The following ZNF622 variants were observed in gnomAD, a reference collection of about 807,000 sequenced individuals.
The protein encoded by ZNF622 is zinc finger protein 622.
In ZNF622, 34 loss-of-function variants were observed where a neutral mutation model predicts 49.7. That is an observed-to-expected ratio of 0.68 (90% CI 0.52 to 0.91). The LOEUF (loss-of-function observed/expected upper bound fraction) is 0.91, where lower values mean the gene tolerates loss of function less well. Ranked by LOEUF, ZNF622 falls within the 40% of genes least tolerant of loss-of-function variation. The pLI is 0.00. For missense variants in ZNF622, 569 were observed against 616.4 expected, an observed-to-expected ratio of 0.92 and a Z score of 0.81; for synonymous variants, 209 against 228.7, an observed-to-expected ratio of 0.91 and a Z score of 0.78.
At chr5:16,461,361 C>T (rs879791671) in intron 3 of ZNF622, among the ~76,000 whole-genome samples, 1 of 152,190 alleles carries the variant, frequency 6.6e-6, no homozygotes, top group Admixed American at 6.5e-5. Flanking sequence ...TTTGACCTCA[C>T]TTAATGTTTT....
chr5:16,453,681 C>T (rs1474874895), intron 4 of ZNF622, among the ~76,000 whole-genome samples: 2 of 148,804 alleles, frequency 1.3e-5, no homozygotes, highest in East Asian at 4.0e-4. Context: ...GAAATCAATC[C>T]ACCTTTCCTT....
At chr5:16,454,488 CAAAAAAAAA>C (rs34774848) in intron 4 of ZNF622, among the ~76,000 whole-genome samples, 3 of 66,714 alleles carry the variant, frequency 4.5e-5, no homozygotes, top group African/African-American at 6.5e-5. Context: ...ACTCCGTCTC[CAAAAAAAAA>C]AAAAAAAAAA....
chr5:16,452,994 G>C lies in ZNF622; in HGVS notation c.1306+19C>G. On this transcript the variant is annotated intron_variant, in intron 5 of 5. Transcript: ENST00000308683. ...ATACAAGTTCTCAGACTGGTCTGTA[G>C]TTGTAAAGATCAATGTACCTGTGCT... is the stretch of plus-strand genomic sequence containing the variant. 2 of 1,428,734 alleles carry C rather than the reference G, an allele frequency of 1.4e-6. No individual in the cohort carries two copies. The highest frequency in any genetic ancestry group is 1.9e-6 in the Non-Finnish European group (2 of 1,078,952). 88.5% of individuals were successfully genotyped at this position (1,428,734 alleles called of 1,614,324 possible). A position where few individuals can be genotyped will look rare whatever the true frequency, so the allele number is the denominator to read the frequency against.
chr5:16,464,251 A>G (rs1738174000), intron 1 of ZNF622, among the ~76,000 whole-genome samples: 1 of 150,636 alleles, frequency 6.6e-6, no homozygotes, highest in Admixed American at 6.6e-5. Flanking sequence ...TAGGTTAGGC[A>G]AGCACTAATC....
At chr5:16,455,410 A>G (rs1738010453) in intron 4 of ZNF622, among the ~76,000 whole-genome samples, 1 of 152,254 alleles carries the variant, frequency 6.6e-6, no homozygotes, top group South Asian at 2.1e-4. Flanking sequence ...AAAAGTAGTT[A>G]CTTTCAGTTG....
At position 16,465,533 on chromosome 5, in the gene ZNF622, C is replaced by T; in HGVS notation, c.133G>A (p.Glu45Lys). 1 of 1,613,970 alleles carries T rather than the reference C, an allele frequency of 6.2e-7. No individual in the cohort carries two copies. The highest frequency in any genetic ancestry group is 8.5e-7 in the Non-Finnish European group (1 of 1,179,942). ...GCCCGCACTCGCTCCTGGAAGCCCT[C>T]GGCGGTCACTGGGGCCATGCTGGCC... ...KVASMAPVTA[E>K]GFQERVRAQR... Residue 45 changes from glutamate (E) to lysine (K), a missense_variant, in exon 1 of 6, where the codon GAG becomes AAG. By Grantham distance (56) the Glu-to-Lys change is moderately conservative. Transcript: ENST00000308683. This position sits in a 1 kb window ranked among gnomAD's most constrained non-coding sequence, Gnocchi z 6.2.
chr5:16,451,972 T>A (rs1737942134), intron 5 of ZNF622, among the ~76,000 whole-genome samples, 188 bp from the exon 6 acceptor site: 1 of 152,192 alleles, frequency 6.6e-6, no homozygotes, highest in Non-Finnish European at 1.5e-5. Context: ...CAGAATTGCA[T>A]ACCAGAACTT....
chr5:16,465,400 CGGGACTTGAGGTGGTT>C lies in ZNF622; in HGVS notation c.250_265del (p.Asn84GlyfsTer14). 1 of 1,614,260 alleles carries C rather than the reference CGGGACTTGAGGTGGTT, an allele frequency of 6.2e-7. No individual in the cohort carries two copies. The highest frequency in any genetic ancestry group is 8.5e-7 in the Non-Finnish European group (1 of 1,180,042). On this transcript the variant is annotated frameshift_variant, in exon 1 of 6. Coordinates refer to ENST00000308683, the MANE Select transcript of ZNF622 (RefSeq NM_033414.3). LOFTEE classifies it high-confidence loss of function. The surrounding 1 kb of genome is among the most constrained non-coding windows in gnomAD (Gnocchi z 6.2). ...CTTCTTCTCCAGCTCAACGTGACGC[CGGGACTTGAGGTGGTT>C]CTCGTAGGCGTTGAAAGAGGCAAAC...
chr5:16,453,453 C>A (rs1192246176), intron 4 of ZNF622, among the ~76,000 whole-genome samples: 1 of 150,634 alleles, frequency 6.6e-6, no homozygotes, highest in Admixed American at 6.6e-5. Context: ...TACTTGCATA[C>A]AATATGCCTC....
chr5:16,462,851 T>C (rs1479572590), intron 3 of ZNF622, among the ~76,000 whole-genome samples: 3 of 152,196 alleles, frequency 2.0e-5, no homozygotes, highest in African/African-American at 4.8e-5. Flanking sequence ...AACTGAACTC[T>C]TGATGTTTTA....
Position 16,465,140 on chromosome 5 carries a change from T to G in ZNF622, c.526A>C (p.Lys176Gln). ...RGTHDRDPSE[K>Q]PPRLQWFEQQ... ...TCAAACCACTGGAGCCGGGGTGGTT[T>G]CTCACTCGGGTCTCGGTCGTGGGTC... The change falls in exon 1 of 6, where the codon AAA becomes CAA. Residue 176 changes from lysine to glutamine, a missense_variant. By Grantham distance (53) the Lys-to-Gln change is moderately conservative. Transcript: ENST00000308683. This position sits in a 1 kb window ranked among gnomAD's most constrained non-coding sequence, Gnocchi z 6.2. 1.2e-6 allele frequency: 2 copies of G among 1,614,138 alleles called. No individual in the cohort carries two copies. Among genetic ancestry groups the G allele is most frequent in the East Asian group, 4.5e-5 (2 of 44,856 alleles).
At chr5:16,453,830 T>C (rs570729496) in intron 4 of ZNF622, among the ~76,000 whole-genome samples, 20 of 152,080 alleles carry the variant, frequency 1.3e-4, no homozygotes, top group African/African-American at 4.8e-4. Flanking sequence ...CCAGAGATGC[T>C]ATTAAACATC....
intron 4 of ZNF622, among the ~76,000 whole-genome samples, chr5:16,454,428 C>T (rs968312653): frequency 5.6e-5 from 7 of 125,376 alleles, no homozygotes; most frequent in Admixed American, 2.2e-4. Context: ...GCGGAGCTTG[C>T]GGTGAGCCAA....
At chr5:16,462,982 A>G in intron 3 of ZNF622, 126 bp downstream of exon 3, 1 of 905,896 alleles carries the variant, frequency 1.1e-6, no homozygotes, top group East Asian at 2.7e-5. Flanking sequence ...TACCTAATAC[A>G]GAGGTGTTAT....
chr5:16,454,303 C>T (rs1420115564), intron 4 of ZNF622, among the ~76,000 whole-genome samples: 5 of 151,786 alleles, frequency 3.3e-5, no homozygotes, highest in African/African-American at 9.7e-5. Context: ...CTGGCTAACA[C>T]GGTGAAACCC....
chr5:16,465,227 C>T lies in ZNF622; in HGVS notation c.439G>A (p.Ala147Thr). The change falls in exon 1 of 6, where the codon GCG becomes ACG. Residue 147 changes from alanine (A) to threonine (T), a missense_variant. Coordinates refer to ENST00000308683, the MANE Select transcript of ZNF622 (RefSeq NM_033414.3). This position sits in a 1 kb window ranked among gnomAD's most constrained non-coding sequence, Gnocchi z 6.2. ...KAQPSMSPKK[A>T]PPAPAKEARN... ...GCCTCCTTTGCAGGCGCTGGGGGCG[C>T]CTTCTTGGGAGACATGGACGGCTGG... The T allele has an allele frequency of 6.2e-7, 1 of 1,614,194 alleles. No individual in the cohort carries two copies. Among genetic ancestry groups the T allele is most frequent in the Non-Finnish European group, 8.5e-7 (1 of 1,180,036 alleles).
At chr5:16,464,440 T>C (rs889007822) in intron 1 of ZNF622, among the ~76,000 whole-genome samples, 2 of 152,216 alleles carry the variant, frequency 1.3e-5, no homozygotes, top group African/African-American at 4.8e-5. Context: ...GAAAATACAT[T>C]TATGTTGTTC....
At chr5:16,452,093 C>T (rs1331325437) in intron 5 of ZNF622, among the ~76,000 whole-genome samples, 1 of 152,090 alleles carries the variant, frequency 6.6e-6, no homozygotes, top group Non-Finnish European at 1.5e-5. Context: ...AGCTATATAT[C>T]GAGTCAGACA....
chr5:16,454,684 G>A (rs1485021630), intron 4 of ZNF622, among the ~76,000 whole-genome samples: 3 of 152,090 alleles, frequency 2.0e-5, no homozygotes, highest in Non-Finnish European at 4.4e-5. Context: ...ACCAAATCTG[G>A]CCAACCGCCT....
Sources: allele counts gnomAD v4.1 joint callset (sites outside exome capture counted in the v4.1 genomes callset), GRCh38; gene constraint gnomAD v4.1.1; non-coding constraint Gnocchi (gnomAD v3.1); transcripts MANE v1.5; gene names NCBI Gene and HGNC (gene_info 2026-07-23, HGNC 2026-07-21).